ZNF722: variants seen among roughly 807,000 people sequenced by gnomAD.
ZNF722 encodes zinc finger protein 722.
the ZNF722 span, among the ~76,000 whole-genome samples, chr7:64,007,321 C>T: frequency 6.7e-6 from 1 of 150,302 alleles, no homozygotes; most frequent in East Asian, 2.0e-4. Context: ...ATACATGTGC[C>T]ATGTTGGTTT....
the ZNF722 span, among the ~76,000 whole-genome samples, chr7:64,000,248 A>G: frequency 4.2e-3 from 628 of 150,532 alleles, 3 homozygotes; most frequent in African/African-American, 0.014. Context: ...CTCCTGCCTC[A>G]GCCTCCCAAG....
chr7:64,002,352 A>G, the ZNF722 span, among the ~76,000 whole-genome samples: 2 of 152,208 alleles, frequency 1.3e-5, no homozygotes, highest in African/African-American at 2.4e-5. Context: ...AGTGACATAC[A>G]TTTTATTCTT....
the ZNF722 span, among the ~76,000 whole-genome samples, chr7:64,004,761 C>T: frequency 6.6e-6 from 1 of 152,022 alleles, no homozygotes; most frequent in Non-Finnish European, 1.5e-5. Flanking sequence ...AAAATGAAGG[C>T]TCTTTATTTA....
At chr7:64,017,594 G>C in the ZNF722 span, among the ~76,000 whole-genome samples, 2 of 152,170 alleles carry the variant, frequency 1.3e-5, no homozygotes, top group Non-Finnish European at 2.9e-5. Context: ...TGGAACATCA[G>C]AGAATTTATA....
chr7:64,006,105 A>G, the ZNF722 span: 1 of 598,170 alleles, frequency 1.7e-6, no homozygotes. Flanking sequence ...AAGGTCTGTT[A>G]TGAATCAACT....
chr7:64,015,734 A>C, the ZNF722 span: 2 of 1,613,664 alleles, frequency 1.2e-6, no homozygotes, highest in Non-Finnish European at 1.7e-6. Flanking sequence ...CTGGAGAGAA[A>C]CCCTACACAT....
At chr7:64,005,213 C>A in the ZNF722 span, among the ~76,000 whole-genome samples, 3 of 151,880 alleles carry the variant, frequency 2.0e-5, no homozygotes, top group African/African-American at 7.3e-5. Flanking sequence ...GCAGGAGAAT[C>A]GATTGAACCC....
At chr7:64,017,464 T>C in the ZNF722 span, among the ~76,000 whole-genome samples, 1 of 152,212 alleles carries the variant, frequency 6.6e-6, no homozygotes, top group Non-Finnish European at 1.5e-5. Flanking sequence ...GTAAAGACTA[T>C]TTATTCTGAA....
the ZNF722 span, among the ~76,000 whole-genome samples, chr7:64,000,126 T>TG: frequency 4.2e-4 from 33 of 77,782 alleles, no homozygotes; most frequent in South Asian, 1.0e-3. Context: ...TTACTTTTTT[T>TG]TTTTTTTGTG....
At chr7:64,001,017 T>C in the ZNF722 span, among the ~76,000 whole-genome samples, 1 of 152,186 alleles carries the variant, frequency 6.6e-6, no homozygotes, top group Non-Finnish European at 1.5e-5. Context: ...CCTCAGGTGA[T>C]CTGCCTGCCT....
the ZNF722 span, among the ~76,000 whole-genome samples, chr7:64,008,748 A>G: frequency 6.6e-6 from 1 of 152,190 alleles, no homozygotes; most frequent in African/African-American, 2.4e-5. Context: ...GTTCCATATG[A>G]ACTTTAAAGT....
At chr7:64,004,425 A>AAAAAAATATATATATATATAT in the ZNF722 span, among the ~76,000 whole-genome samples, 7 of 61,110 alleles carry the variant, frequency 1.1e-4, no homozygotes, top group African/African-American at 4.8e-4. Flanking sequence ...AAAAAAAAAA[A>AAAAAAATATATATATATATAT]ATATATATAT....
the ZNF722 span, among the ~76,000 whole-genome samples, chr7:64,002,216 A>G: frequency 6.6e-6 from 1 of 152,058 alleles, no homozygotes; most frequent in Non-Finnish European, 1.5e-5. Flanking sequence ...TCTTCATTTC[A>G]GCTCTGATTT....
chr7:63,999,035 G>A, the ZNF722 span: 5 of 1,567,914 alleles, frequency 3.2e-6, no homozygotes, highest in Admixed American at 1.7e-5. Context: ...AGAGGGGCGG[G>A]AGACGGTTGG....
the ZNF722 span, among the ~76,000 whole-genome samples, chr7:64,012,663 T>C: frequency 6.6e-6 from 1 of 152,176 alleles, no homozygotes; most frequent in African/African-American, 2.4e-5. Flanking sequence ...ATGTGCCAGG[T>C]GCAAATAAGA....
chr7:64,015,661 G>A, the ZNF722 span: 1 of 1,613,896 alleles, frequency 6.2e-7, no homozygotes, highest in Non-Finnish European at 8.5e-7. Context: ...CCCTACAAAT[G>A]TGAAGAATGT....
At chr7:64,011,957 C>T in the ZNF722 span, among the ~76,000 whole-genome samples, 2 of 152,106 alleles carry the variant, frequency 1.3e-5, no homozygotes, top group African/African-American at 4.8e-5. Flanking sequence ...TCTTTTTACT[C>T]TTTTTTCTCT....
the ZNF722 span, among the ~76,000 whole-genome samples, chr7:64,007,825 TC>T: frequency 6.6e-6 from 1 of 152,188 alleles, no homozygotes; most frequent in South Asian, 2.1e-4. Flanking sequence ...CACACTGTCT[TC>T]CACAATGGTT....
the ZNF722 span, chr7:64,006,335 T>C: frequency 2.4e-6 from 3 of 1,273,570 alleles, no homozygotes; most frequent in Admixed American, 4.4e-5. Flanking sequence ...TGAGAGCGAA[T>C]GAAGCAGATG....
Sources: allele counts gnomAD v4.1 joint callset (sites outside exome capture counted in the v4.1 genomes callset), GRCh38; gene constraint gnomAD v4.1.1; transcripts MANE v1.5; gene names NCBI Gene and HGNC (gene_info 2026-07-23, HGNC 2026-07-21).